SLIT1: variants seen among roughly 807,000 people sequenced by gnomAD.
SLIT1 encodes the protein slit homolog 1 protein.
In SLIT1, 66 loss-of-function variants were observed where a neutral mutation model predicts 186.1. The ratio of observed to expected loss-of-function variants is 0.35; its 90% CI spans 0.29 to 0.44. The LOEUF (loss-of-function observed/expected upper bound fraction) is 0.44. Ranked by LOEUF, SLIT1 falls within the 20% of genes least tolerant of loss-of-function variation. SLIT1 has a pLI of 1.00. For missense variants in SLIT1, 1,638 were observed against 2,037.4 expected, an observed-to-expected ratio of 0.80 and a Z score of 3.77; for synonymous variants, 761 against 833.8, an observed-to-expected ratio of 0.91 and a Z score of 1.50.
chr10:97,132,639 A>G (rs1019998866), intron 4 of SLIT1, among the ~76,000 whole-genome samples: 1 of 152,202 alleles, frequency 6.6e-6, no homozygotes, highest in Non-Finnish European at 1.5e-5. Context: ...CAAGGGCCCC[A>G]GCATTTCCAG....
In SLIT1 at chr10:97,146,491, T is replaced by C. The variant is rs148720330; in HGVS notation, c.413+11327A>G. Among the ~76,000 whole-genome samples, 431 of 152,062 alleles carry C rather than the reference T, an allele frequency of 2.8e-3. 3 individuals are homozygous for C. Among genetic ancestry groups the C allele is most frequent in the African/African-American group, 9.9e-3 (410 of 41,484 alleles). On this transcript the variant is annotated intron_variant, in intron 4 of 36. Coordinates refer to ENST00000266058, the MANE Select transcript of SLIT1 (RefSeq NM_003061.3). ...CTCCCTTGACTCCCTCCTCAAGCTTTCCCTGCCTCCCAGGAAACAGGGGCC... is the reference window on the plus strand; with the variant it reads ...CTCCCTTGACTCCCTCCTCAAGCTTCCCCTGCCTCCCAGGAAACAGGGGCC...
Position 97,059,523 on chromosome 10 carries a change from C to T in SLIT1, c.1022G>A (p.Ser341Asn). The T allele has an allele frequency of 6.2e-7, 1 of 1,613,782 alleles. No individual in the cohort carries two copies. Among genetic ancestry groups the T allele is most frequent in the Non-Finnish European group, 8.5e-7 (1 of 1,179,948 alleles). Reference protein sequence around the residue: ...PYRKLRRIDLSNNQIAEIAPD... With the variant: ...PYRKLRRIDLNNNQIAEIAPD... ...TGCAATCTCAGCGATCTGATTGTTGCTCAGGTCTCTGCAAGGTGAGCAGAA... is the reference window on the plus strand; with the variant it reads ...TGCAATCTCAGCGATCTGATTGTTGTTCAGGTCTCTGCAAGGTGAGCAGAA... The change falls in exon 11 of 37, where the codon AGC (serine) becomes AAC (asparagine). Residue 341 changes from serine (S) to asparagine (N), a missense_variant. By Grantham distance (46) the Ser-to-Asn change is conservative. Transcript: ENST00000266058.
At chr10:97,139,971 T>C (rs1455291968) in intron 4 of SLIT1, among the ~76,000 whole-genome samples, 3 of 152,182 alleles carry the variant, frequency 2.0e-5, no homozygotes, top group African/African-American at 7.2e-5. Context: ...CAGAAGCCTC[T>C]GCTTTGTGCT....
intron 31 of SLIT1, among the ~76,000 whole-genome samples, chr10:97,007,700 T>C (rs1396232491): frequency 3.3e-5 from 5 of 152,020 alleles, no homozygotes; most frequent in African/African-American, 4.8e-5. Flanking sequence ...AAAAAGTTCA[T>C]CTCAATAGAT....
At chr10:97,046,839 C>T in intron 17 of SLIT1, 42 bp from the exon 18 acceptor site, 2 of 1,603,322 alleles carry the variant, frequency 1.2e-6, no homozygotes, top group Non-Finnish European at 1.7e-6. Context: ...TGGCCAGCAG[C>T]CAGGAGCTCA....
At chr10:97,165,340 C>T (rs1038290554) in intron 1 of SLIT1, among the ~76,000 whole-genome samples, 2 of 152,188 alleles carry the variant, frequency 1.3e-5, no homozygotes, top group East Asian at 3.9e-4. Context: ...ATAGCCTGCG[C>T]TTGCAAAGGT....
chr10:97,162,094 T>A (rs1850035348), intron 3 of SLIT1, among the ~76,000 whole-genome samples: 1 of 152,208 alleles, frequency 6.6e-6, no homozygotes, highest in Non-Finnish European at 1.5e-5. Context: ...TTATCTATAA[T>A]CCACCACTCA....
intron 1 of SLIT1, among the ~76,000 whole-genome samples, chr10:97,165,866 C>A (rs885333): frequency 1.1e-4 from 16 of 151,880 alleles, no homozygotes; most frequent in Non-Finnish European, 4.4e-5. Context: ...CACCTTGGAC[C>A]CACCTGAGGA....
intron 4 of SLIT1, among the ~76,000 whole-genome samples, chr10:97,136,286 TC>T (rs1160985053): frequency 6.6e-6 from 1 of 152,148 alleles, no homozygotes; most frequent in East Asian, 1.9e-4. Context: ...CTCCGTACCT[TC>T]CGTTTGGTGT....
Position 97,001,246 on chromosome 10 carries a change from A to G in SLIT1, c.4471T>C (p.Ser1491Pro), listed in dbSNP as rs1436814116. 1.9e-6 allele frequency: 3 copies of G among 1,613,018 alleles called. No individual in the cohort carries two copies. Among genetic ancestry groups the G allele is most frequent in the Non-Finnish European group, 1.7e-6 (2 of 1,179,928 alleles). ...TGGCAGCAGCCCTGGCCTGGGCACG[A>G]GCCCCGGCACTCCACCCATGACAGG... Reference protein sequence around the residue: ...RPLSWVECRGSCPGQGCCQGL... With the variant: ...RPLSWVECRGPCPGQGCCQGL... Residue 1491 changes from serine (S) to proline (P), a missense_variant, in exon 37 of 37, where the codon TCG becomes CCG. Coordinates refer to ENST00000266058, the MANE Select transcript of SLIT1 (RefSeq NM_003061.3).
intron 4 of SLIT1, chr10:97,154,868 C>A (rs1361947104): frequency 6.6e-6 from 1 of 152,198 alleles, no homozygotes; most frequent in East Asian, 1.9e-4. Context: ...ATATAGATGT[C>A]CTTTCCTCTA....
chr10:97,037,749 T>C lies in SLIT1; in HGVS notation c.2315A>G (p.Gln772Arg). The change falls in exon 22 of 37, where the codon CAG becomes CGG. Residue 772 changes from glutamine to arginine, a missense_variant. Around this residue, in one of 3 missense-constraint regions of SLIT1, gnomAD observed 1,245 missense variants for 1,535.3 expected, o/e 0.81. Transcript: ENST00000266058. ...NVTELYLDGN[Q>R]FTLVPGQLST... The stretch of plus-strand genomic sequence containing the variant: ...CAGCTGTCCCGGAACCAGCGTGAAC[T>C]GGTTCCCGTCCAAATAGCTGCAGAG... 6.2e-7 allele frequency: 1 copy of C among 1,607,784 alleles called. No individual in the cohort carries two copies. Among genetic ancestry groups the C allele is most frequent in the Non-Finnish European group, 8.5e-7 (1 of 1,174,860 alleles).
intron 22 of SLIT1, among the ~76,000 whole-genome samples, chr10:97,035,049 G>A (rs1348958249): frequency 1.3e-5 from 2 of 152,142 alleles, no homozygotes; most frequent in Non-Finnish European, 2.9e-5. Flanking sequence ...ATTCAAAGCC[G>A]GTCCACTGGC....
At chr10:97,075,763 G>A (rs1001632856) in intron 4 of SLIT1, among the ~76,000 whole-genome samples, 1 of 152,206 alleles carries the variant, frequency 6.6e-6, no homozygotes, top group African/African-American at 2.4e-5. Context: ...CCCACCTCCT[G>A]AGTCAGGATC....
intron 4 of SLIT1, 72 bp from the exon 5 acceptor site, chr10:97,066,158 T>C: frequency 7.9e-7 from 1 of 1,269,864 alleles, no homozygotes; most frequent in East Asian, 2.5e-5. Flanking sequence ...CTGTGATAAG[T>C]CAGGGAAGCA....
intron 4 of SLIT1, among the ~76,000 whole-genome samples, chr10:97,101,019 T>C (rs1011364432): frequency 6.6e-6 from 1 of 152,184 alleles, no homozygotes; most frequent in Non-Finnish European, 1.5e-5. Context: ...TGTGCATCAA[T>C]GAAGCTGAAC....
At chr10:97,062,169 C>A (rs771927004) in intron 8 of SLIT1, among the ~76,000 whole-genome samples, 1 of 152,226 alleles carries the variant, frequency 6.6e-6, no homozygotes, top group Non-Finnish European at 1.5e-5. Context: ...CTGGCTCACA[C>A]AAGAGACATG....
chr10:97,065,114 C>T (rs1374983113), intron 5 of SLIT1, among the ~76,000 whole-genome samples: 1 of 150,078 alleles, frequency 6.7e-6, no homozygotes. Flanking sequence ...CCTTACATAT[C>T]CCCTGGGGAG....
At chr10:97,037,098 G>GTGTGTGTA (rs1491512373) in intron 22 of SLIT1, among the ~76,000 whole-genome samples, 17 of 117,828 alleles carry the variant, frequency 1.4e-4, no homozygotes, top group Middle Eastern at 4.0e-3. Flanking sequence ...GTGTGTGTGT[G>GTGTGTGTA]TATGTGTGTG....
Sources: allele counts gnomAD v4.1 joint callset (sites outside exome capture counted in the v4.1 genomes callset), GRCh38; gene constraint gnomAD v4.1.1; regional missense constraint gnomAD v4.1.1; transcripts MANE v1.5; gene names NCBI Gene and HGNC (gene_info 2026-07-23, HGNC 2026-07-21).